MARCHF1: variants seen among roughly 807,000 people sequenced by gnomAD.
MARCHF1 encodes membrane associated ring-CH-type finger 1, also known as E3 ubiquitin-protein ligase MARCHF1.
MARCHF1 carries 40 observed loss-of-function variants against 54.2 expected under a neutral mutation model. The ratio of observed to expected loss-of-function variants is 0.74; its 90% CI spans 0.57 to 0.96. The LOEUF is 0.96. MARCHF1 is among the 40% of genes least tolerant of loss of function. The pLI is 0.00. For missense variants in MARCHF1, 586 were observed against 656.5 expected (o/e 0.89, Z 1.17); for synonymous variants, 236 against 236.3 (o/e 1.00, Z 0.01).
At chr4:164,282,021 C>A (rs1350116391) in intron 1 of MARCHF1, among the ~76,000 whole-genome samples, 2 of 150,984 alleles carry the variant, frequency 1.3e-5, no homozygotes, top group African/African-American at 2.4e-5. Flanking sequence ...TCGTTTCACT[C>A]TACCCTATAG....
chr4:164,370,023 T>A (rs1730990986), intron 1 of MARCHF1, among the ~76,000 whole-genome samples: 1 of 152,154 alleles, frequency 6.6e-6, no homozygotes. Flanking sequence ...CTAAGCAAGA[T>A]CTTCACAGAA....
At chr4:164,180,837 C>T (rs1414609105) in intron 1 of MARCHF1, among the ~76,000 whole-genome samples, 1 of 152,150 alleles carries the variant, frequency 6.6e-6, no homozygotes, top group African/African-American at 2.4e-5. Context: ...ACTGCTACAT[C>T]CGCTTGCCAT....
At chr4:163,976,637 T>C (rs1321518869) in intron 3 of MARCHF1, among the ~76,000 whole-genome samples, 1 of 152,202 alleles carries the variant, frequency 6.6e-6, no homozygotes, top group African/African-American at 2.4e-5. Flanking sequence ...TCAAAACGCA[T>C]TGCAACTTCT....
chr4:164,228,751 G>C (rs1344129323), intron 1 of MARCHF1, among the ~76,000 whole-genome samples: 1 of 152,088 alleles, frequency 6.6e-6, no homozygotes, highest in Non-Finnish European at 1.5e-5. Flanking sequence ...TAGCTCATGT[G>C]AACAAATGGG....
In MARCHF1 at chr4:163,933,083, C is replaced by A. The variant is rs549986322; in HGVS notation, c.-39+55418G>T. The A allele has an allele frequency of 5.1e-5, 75 of 1,470,678 alleles. No individual in the cohort carries two copies. In the African/African-American group the frequency reaches 9.7e-4, roughly 19 times the overall value. The allele number at this position is 1,470,678 out of a possible 1,614,324, so 91.1% of individuals were successfully genotyped here. A position where few individuals can be genotyped will look rare whatever the true frequency, so the allele number is the denominator to read the frequency against. ...TTCTTAATAACCCAGAGCTTGCCTG[C>A]ACGCTGGCTAAAACGGCTTTTGATG... is the stretch of plus-strand genomic sequence containing the variant. On this transcript the variant is annotated intron_variant, in intron 3 of 9. Transcript: ENST00000514618.
intron 4 of MARCHF1, among the ~76,000 whole-genome samples, chr4:163,822,916 T>C (rs1162762039): frequency 6.6e-6 from 1 of 151,818 alleles, no homozygotes; most frequent in Non-Finnish European, 1.5e-5. Context: ...TAGATATGGG[T>C]AGAGAAACCC....
At chr4:163,691,074 C>A (rs1385095845) in intron 5 of MARCHF1, among the ~76,000 whole-genome samples, 2 of 152,088 alleles carry the variant, frequency 1.3e-5, no homozygotes, top group Non-Finnish European at 2.9e-5. Flanking sequence ...GCTGTGGATT[C>A]AAAAAATATG....
chr4:164,033,645 A>T (rs1348977395), intron 2 of MARCHF1, among the ~76,000 whole-genome samples: 2 of 152,220 alleles, frequency 1.3e-5, no homozygotes, highest in Non-Finnish European at 1.5e-5. Flanking sequence ...AAAAGAATAC[A>T]TTTATGTAGC....
chr4:164,024,718 G>C (rs1170786968), intron 2 of MARCHF1, among the ~76,000 whole-genome samples: 1 of 152,034 alleles, frequency 6.6e-6, no homozygotes, highest in Non-Finnish European at 1.5e-5. Context: ...AAGATGACAG[G>C]ATCAAAATCT....
chr4:163,686,438 T>C (rs1744270979), intron 5 of MARCHF1, among the ~76,000 whole-genome samples: 8 of 149,780 alleles, frequency 5.3e-5, no homozygotes, highest in Admixed American at 5.3e-4. Flanking sequence ...CAAATTTCTG[T>C]TATTAGCTTG....
chr4:164,314,218 A>G (rs1444051109), intron 1 of MARCHF1, among the ~76,000 whole-genome samples: 3 of 152,214 alleles, frequency 2.0e-5, no homozygotes, highest in African/African-American at 7.2e-5. Flanking sequence ...TCTATATTTA[A>G]TTACTCAAGT....
Position 163,649,136 on chromosome 4 carries a change from A to T in MARCHF1, c.163-35743T>A, listed in dbSNP as rs114165705. On this transcript the variant is annotated intron_variant, in intron 5 of 9. Coordinates refer to ENST00000514618, the MANE Select transcript of MARCHF1 (RefSeq NM_001394959.1). ...TTCTGGTGAATTAGGTACCTGGTTC[A>T]GCACATTCCTGAGAATGAGTTTTTC... Among the ~76,000 whole-genome samples the T allele has an allele frequency of 4.7e-3, 711 of 152,182 alleles. 8 individuals carry two copies. Among genetic ancestry groups the T allele is most frequent in the African/African-American group, 0.016 (661 of 41,552 alleles).
At chr4:163,626,815 T>C (rs1298085036) in intron 5 of MARCHF1, among the ~76,000 whole-genome samples, 3 of 152,064 alleles carry the variant, frequency 2.0e-5, no homozygotes, top group Admixed American at 2.0e-4. Flanking sequence ...TAGTCTCAGC[T>C]ACTCGGGAGG....
intron 4 of MARCHF1, among the ~76,000 whole-genome samples, chr4:163,715,495 C>T (rs1745229398): frequency 6.6e-6 from 1 of 152,168 alleles, no homozygotes; most frequent in Admixed American, 6.5e-5. Flanking sequence ...AGCTATACTG[C>T]ATCTGTATTA....
chr4:163,928,947 TAAG>T (rs1751596511), intron 3 of MARCHF1, among the ~76,000 whole-genome samples: 1 of 151,852 alleles, frequency 6.6e-6, no homozygotes, highest in Non-Finnish European at 1.5e-5. Flanking sequence ...GGGGAAAAAA[TAAG>T]AGACCTATAT....
chr4:164,219,667 A>G (rs918317938), intron 1 of MARCHF1, among the ~76,000 whole-genome samples: 3 of 152,026 alleles, frequency 2.0e-5, no homozygotes, highest in African/African-American at 7.2e-5. Context: ...AAGAGCTGTC[A>G]AGCCTGGAAG....
intron 3 of MARCHF1, among the ~76,000 whole-genome samples, chr4:163,961,077 C>T (rs1752338143): frequency 6.6e-6 from 1 of 151,882 alleles, no homozygotes; most frequent in Admixed American, 6.6e-5. Flanking sequence ...GTCCCATCCT[C>T]ATATAACCTT....
chr4:164,027,927 T>G lies in MARCHF1; in HGVS notation c.-247-39218A>C, dbSNP rs79307378. On this transcript the variant is annotated intron_variant, in intron 2 of 9. Coordinates refer to ENST00000514618, the MANE Select transcript of MARCHF1 (RefSeq NM_001394959.1). ...TCTCATAAAAAATGGGCAGAGAAAC[T>G]AAACAAACACTTCTCAAAAAAAGAC... Among the ~76,000 whole-genome samples, 307 of 152,096 alleles carry G rather than the reference T, an allele frequency of 2.0e-3. 1 individual carries two copies. The highest frequency in any genetic ancestry group is 3.4e-3 in the Non-Finnish European group (230 of 67,948).
chr4:163,773,307 A>T (rs1445178192), intron 4 of MARCHF1, among the ~76,000 whole-genome samples: 1 of 152,220 alleles, frequency 6.6e-6, no homozygotes, highest in East Asian at 1.9e-4. Flanking sequence ...GGTTACCACC[A>T]GGCTCAGCCC....
Sources: allele counts gnomAD v4.1 joint callset (sites outside exome capture counted in the v4.1 genomes callset), GRCh38; gene constraint gnomAD v4.1.1; transcripts MANE v1.5; gene names NCBI Gene and HGNC (gene_info 2026-07-23, HGNC 2026-07-21).